SND1: variants seen among roughly 807,000 people sequenced by gnomAD.
SND1 encodes the protein staphylococcal nuclease and tudor domain containing 1.
Under a neutral mutation model 121.7 loss-of-function variants are expected in SND1, and 38 were observed. That is an observed-to-expected ratio of 0.31 (90% CI 0.24 to 0.41). The LOEUF (loss-of-function observed/expected upper bound fraction) is 0.41, where lower values mean the gene tolerates loss of function less well. Ranked by LOEUF, SND1 falls within the 10% of genes least tolerant of loss-of-function variation. The pLI is 1.00. For missense variants in SND1, 868 were observed against 1,184.6 expected, an observed-to-expected ratio of 0.73 and a Z score of 3.92; for synonymous variants, 401 against 447.4, an observed-to-expected ratio of 0.90 and a Z score of 1.31.
At chr7:128,014,664 C>T (rs980719352) in intron 16 of SND1, among the ~76,000 whole-genome samples, 2 of 152,160 alleles carry the variant, frequency 1.3e-5, no homozygotes, top group African/African-American at 4.8e-5. Flanking sequence ...GCACACAAAG[C>T]CCACTGCTTC....
chr7:127,673,915 G>A (rs1795570387), intron 1 of SND1, among the ~76,000 whole-genome samples: 1 of 151,940 alleles, frequency 6.6e-6, no homozygotes, highest in African/African-American at 2.4e-5. Flanking sequence ...TTTCCCTGCC[G>A]CAACCCTGGA....
intron 1 of SND1, among the ~76,000 whole-genome samples, chr7:127,669,856 G>A (rs75080573): frequency 0.022 from 3,293 of 152,002 alleles, 47 homozygotes; most frequent in Non-Finnish European, 0.033. Context: ...ATTTGATAAG[G>A]AAAAAAGGAA....
chr7:127,838,503 C>T (rs1362045534), intron 11 of SND1, among the ~76,000 whole-genome samples: 2 of 152,178 alleles, frequency 1.3e-5, no homozygotes, highest in African/African-American at 4.8e-5. Context: ...CCCAAATATC[C>T]ATAGTTAACC....
chr7:128,060,734 G>A (rs1793217038), intron 16 of SND1, among the ~76,000 whole-genome samples: 1 of 152,190 alleles, frequency 6.6e-6, no homozygotes, highest in East Asian at 1.9e-4. Flanking sequence ...AGGGCACTGT[G>A]GCAAGAAGTC....
intron 1 of SND1, among the ~76,000 whole-genome samples, chr7:127,679,416 C>T (rs1214228804): frequency 1.3e-5 from 2 of 152,144 alleles, no homozygotes. Flanking sequence ...TGTTTTTGTA[C>T]TTCTGTGTTG....
chr7:128,039,201 C>T (rs1423728296), intron 16 of SND1, among the ~76,000 whole-genome samples: 1 of 152,222 alleles, frequency 6.6e-6, no homozygotes, highest in Non-Finnish European at 1.5e-5. Context: ...TAGCCCCACT[C>T]ATCACAGTTA....
chr7:127,966,945 A>G (rs1801866220), intron 15 of SND1, among the ~76,000 whole-genome samples: 1 of 152,182 alleles, frequency 6.6e-6, no homozygotes, highest in South Asian at 2.1e-4. Context: ...AACAAAATTG[A>G]TAGAGCGGCA....
At chr7:127,944,211 G>A (rs1374588191) in intron 15 of SND1, among the ~76,000 whole-genome samples, 1 of 152,236 alleles carries the variant, frequency 6.6e-6, no homozygotes, top group Non-Finnish European at 1.5e-5. Context: ...GCTCTCTGCA[G>A]CCAGCGTGTC....
At chr7:127,661,982 G>A in intron 1 of SND1, among the ~76,000 whole-genome samples, 1 of 93,722 alleles carries the variant, frequency 1.1e-5, no homozygotes, top group Non-Finnish European at 2.1e-5. Flanking sequence ...CGGGCATGGT[G>A]GTGCGTGCCT....
chr7:127,707,718 C>T, intron 9 of SND1, 71 bp downstream of exon 9: 1 of 1,329,376 alleles, frequency 7.5e-7, no homozygotes, highest in Non-Finnish European at 1.1e-6. Context: ...AGAATTTGAA[C>T]AATTAGAAAT....
At chr7:127,791,292 G>A (rs1374676432) in intron 10 of SND1, among the ~76,000 whole-genome samples, 2 of 151,626 alleles carry the variant, frequency 1.3e-5, no homozygotes, top group African/African-American at 2.4e-5. Flanking sequence ...ACAACTACAG[G>A]CACATGCCAC....
chr7:127,810,772 A>C (rs547801817), intron 11 of SND1, among the ~76,000 whole-genome samples: 1 of 152,358 alleles, frequency 6.6e-6, no homozygotes, highest in East Asian at 1.9e-4. Flanking sequence ...ATCTTATAAA[A>C]TATCTAAAGT....
intron 2 of SND1, 178 bp from the exon 3 acceptor site, chr7:127,694,650 G>T: frequency 3.2e-6 from 2 of 630,026 alleles, no homozygotes; most frequent in Non-Finnish European, 5.2e-6. Flanking sequence ...TTTTTTATGA[G>T]CCCCCTAAGT....
chr7:127,788,547 A>G (rs1797853799), intron 10 of SND1, among the ~76,000 whole-genome samples: 1 of 152,224 alleles, frequency 6.6e-6, no homozygotes, highest in Non-Finnish European at 1.5e-5. Context: ...TTTAGCTGCC[A>G]TTCTTTCTTG....
chr7:127,983,706 T>C (rs1482060117), intron 15 of SND1, among the ~76,000 whole-genome samples: 1 of 152,124 alleles, frequency 6.6e-6, no homozygotes, highest in Admixed American at 6.6e-5. Context: ...CAATATTCAA[T>C]AATATTGAAT....
intron 15 of SND1, among the ~76,000 whole-genome samples, chr7:127,969,904 A>G (rs1801944210): frequency 1.3e-5 from 2 of 152,200 alleles, no homozygotes; most frequent in Non-Finnish European, 1.5e-5. Flanking sequence ...TGCTTAACCT[A>G]TCTTTGCCTT....
rs374609166 is a variant in SND1, at chr7:127,967,989, G to A, written c.1670-22958G>A. On this transcript the variant is annotated intron_variant, in intron 15 of 23. Coordinates refer to ENST00000354725, the MANE Select transcript of SND1 (RefSeq NM_014390.4). ...TTATTACAATGCTGTGGGGTAGGAAGGGTTGCTCTTACCTCCATTTAACAA... is the reference window on the plus strand; with the variant it reads ...TTATTACAATGCTGTGGGGTAGGAAAGGTTGCTCTTACCTCCATTTAACAA... Among the ~76,000 whole-genome samples the A allele has an allele frequency of 4.6e-5, 7 of 152,192 alleles. No homozygotes were observed. The East Asian group carries it at 1.2e-3, about 25-fold the overall frequency.
chr7:127,660,175 G>A (rs957514299), intron 1 of SND1, among the ~76,000 whole-genome samples: 5 of 152,156 alleles, frequency 3.3e-5, no homozygotes, highest in African/African-American at 7.2e-5. Flanking sequence ...TTTCAGTAGT[G>A]TATCATGATA....
chr7:127,857,907 C>T lies in SND1; in HGVS notation c.1343+13483C>T, dbSNP rs1252695377. On this transcript the variant is annotated intron_variant, in intron 12 of 23. Coordinates refer to ENST00000354725, the MANE Select transcript of SND1 (RefSeq NM_014390.4). Reference sequence around the variant, plus strand: ...TGTAGAACTGACCACGAAGGGGGTCCAGCTTCCGGCAGTAAACACCATCAG... The same window carrying T: ...TGTAGAACTGACCACGAAGGGGGTCTAGCTTCCGGCAGTAAACACCATCAG... The T allele has an allele frequency of 6.0e-5, 83 of 1,388,212 alleles. 1 individual carries two copies. Among genetic ancestry groups the T allele is most frequent in the Non-Finnish European group, 1.5e-5 (15 of 975,796 alleles). 86.0% of individuals were successfully genotyped at this position (1,388,212 alleles called of 1,614,324 possible).
Sources: allele counts gnomAD v4.1 joint callset (sites outside exome capture counted in the v4.1 genomes callset), GRCh38; gene constraint gnomAD v4.1.1; transcripts MANE v1.5; gene names NCBI Gene and HGNC (gene_info 2026-07-23, HGNC 2026-07-21).